SOX6: variants seen among roughly 807,000 people sequenced by gnomAD.
The protein encoded by SOX6 is transcription factor SOX-6.
A neutral mutation model predicts 97.8 loss-of-function variants in SOX6; 11 were observed. That is an observed-to-expected ratio of 0.11 (90% CI 0.07 to 0.19). The LOEUF (loss-of-function observed/expected upper bound fraction) is 0.19. SOX6 is among the 10% of genes least tolerant of loss of function. The probability of loss-of-function intolerance (pLI) is 1.00; values close to 1 mark genes in which losing one functional copy is unlikely to be tolerated. For synonymous variants in SOX6, 360 were observed against 371.4 expected, an observed-to-expected ratio of 0.97 and a Z score of 0.35; for missense variants, 810 against 1,039.5, an observed-to-expected ratio of 0.78 and a Z score of 3.04.
chr11:16,383,201 T>G (rs1282531856), intron 1 of SOX6, among the ~76,000 whole-genome samples: 1 of 151,952 alleles, frequency 6.6e-6, no homozygotes, highest in Admixed American at 6.6e-5. Context: ...GCATAAATAT[T>G]GAGTTCCTTA....
rs1426358458 is a variant in SOX6, at chr11:16,639,571, T to G, written n.430-27311A>C. Among the ~76,000 whole-genome samples the G allele has an allele frequency of 2.6e-5, 4 of 152,238 alleles. 1 individual carries two copies. ...AGCATGGAGTGTTCTTCCAGTTGTT[T>G]GTATCCTCTTTTATTTCGTTGAGCA... is the stretch of plus-strand genomic sequence containing the variant. On this transcript the variant is annotated intron_variant and non_coding_transcript_variant, in intron 3 of 5. Transcript: ENST00000524520.
At chr11:16,380,267 T>C (rs1484947333) in intron 1 of SOX6, among the ~76,000 whole-genome samples, 1 of 151,984 alleles carries the variant, frequency 6.6e-6, no homozygotes, top group Non-Finnish European at 1.5e-5. Flanking sequence ...TTTTTAAGAG[T>C]AGCTTGCAAA....
chr11:16,622,515 C>T (rs750407516), intron 3 of SOX6, among the ~76,000 whole-genome samples: 5 of 152,146 alleles, frequency 3.3e-5, no homozygotes, highest in Admixed American at 1.3e-4. Flanking sequence ...TGAGACCATA[C>T]GATGTTTGGT....
Position 16,049,897 on chromosome 11 carries a change from G to A in SOX6, c.1293C>T (p.Pro431=), listed in dbSNP as rs775636159. 1.9e-6 allele frequency: 3 copies of A among 1,613,592 alleles called. No homozygotes were observed. The highest frequency in any genetic ancestry group is 2.2e-5 in the South Asian group (2 of 91,074). ...AAQPLNLSSR[P]KTAEPVKSPT... is the part of the protein sequence containing the mutation. ...GGGACTTTACAGGCTCTGCTGTCTT[G>A]GGTCGGGATGAGAGATTCAGAGGCT... is the stretch of plus-strand genomic sequence containing the variant. The change falls in exon 11 of 16, where the codon CCC becomes CCT. Residue 431 remains proline, a synonymous_variant. Coordinates refer to ENST00000683767, the MANE Select transcript of SOX6 (RefSeq NM_001367873.1).
chr11:16,283,303 T>A, intron 3 of SOX6, among the ~76,000 whole-genome samples: 1 of 150,284 alleles, frequency 6.7e-6, no homozygotes. Flanking sequence ...TTTGACAACC[T>A]ACTTTTAAAA....
chr11:16,555,678 G>A (rs1191545314), intron 4 of SOX6, among the ~76,000 whole-genome samples: 1 of 151,552 alleles, frequency 6.6e-6, no homozygotes, highest in Non-Finnish European at 1.5e-5. Flanking sequence ...TACATATAAA[G>A]TCTTGGACAC....
Position 16,411,310 on chromosome 11 carries a change from C to A in SOX6, c.-5+65005G>T, listed in dbSNP as rs535880314. Among the ~76,000 whole-genome samples the A allele has an allele frequency of 2.6e-5, 4 of 152,140 alleles. No individual in the cohort carries two copies. In the East Asian group the frequency reaches 7.7e-4, roughly 29 times the overall value. On this transcript the variant is annotated intron_variant, in intron 1 of 15. Transcript: ENST00000396356. ...TGATTTTAAAATTGTTCTAATGAGG[C>A]CCTTACTCTCATAAACTAGTTAGCA...
At chr11:16,426,302 A>C (rs1437868828) in intron 1 of SOX6, among the ~76,000 whole-genome samples, 1 of 143,828 alleles carries the variant, frequency 7.0e-6, no homozygotes, top group Non-Finnish European at 1.5e-5. Context: ...AAAAACCACT[A>C]TTTTAAAATT....
intron 2 of SOX6, among the ~76,000 whole-genome samples, chr11:16,326,814 A>G (rs565553076): frequency 2.0e-5 from 3 of 152,322 alleles, no homozygotes; most frequent in African/African-American, 7.2e-5. Flanking sequence ...GGTTCTGTCT[A>G]AAGTCTCCCA....
chr11:16,090,442 C>A (rs1471953687), intron 9 of SOX6, among the ~76,000 whole-genome samples: 1 of 152,088 alleles, frequency 6.6e-6, no homozygotes, highest in African/African-American at 2.4e-5. Context: ...TCACTGACTA[C>A]AATGGCAAGC....
At chr11:16,096,851 T>C (rs77730363) in intron 8 of SOX6, among the ~76,000 whole-genome samples, 3,666 of 152,006 alleles carry the variant, frequency 0.024, 149 homozygotes, top group African/African-American at 0.083. Context: ...AAATACTGAA[T>C]GTTTGACTTA....
chr11:16,011,022 T>A (rs1483381887), intron 13 of SOX6, among the ~76,000 whole-genome samples: 1 of 152,088 alleles, frequency 6.6e-6, no homozygotes, highest in East Asian at 1.9e-4. Flanking sequence ...TTCTTGTTTT[T>A]AGTCATTTAG....
chr11:16,412,728 T>G (rs1590193683), intron 1 of SOX6, among the ~76,000 whole-genome samples: 1 of 152,328 alleles, frequency 6.6e-6, no homozygotes, highest in East Asian at 1.9e-4. Flanking sequence ...ATTAGGAAAT[T>G]GGTTTTTCTC....
chr11:16,081,503 C>T (rs1228490519), intron 9 of SOX6, among the ~76,000 whole-genome samples: 4 of 151,986 alleles, frequency 2.6e-5, no homozygotes, highest in Admixed American at 6.6e-5. Flanking sequence ...GCCATAACAC[C>T]CCTAGAAAAC....
intron 2 of SOX6, among the ~76,000 whole-genome samples, chr11:16,733,769 G>A (rs1226273135): frequency 6.8e-6 from 1 of 147,524 alleles, no homozygotes; most frequent in African/African-American, 2.5e-5. Context: ...GCTCACGTCT[G>A]TAATCCCAGC....
At chr11:16,198,182 T>C (rs1851837126) in intron 4 of SOX6, among the ~76,000 whole-genome samples, 1 of 151,088 alleles carries the variant, frequency 6.6e-6, no homozygotes, top group African/African-American at 2.4e-5. Flanking sequence ...GCCTCCCGAG[T>C]AGCTGGGATT....
At chr11:16,199,922 T>C (rs1448267416) in intron 4 of SOX6, among the ~76,000 whole-genome samples, 1 of 152,164 alleles carries the variant, frequency 6.6e-6, no homozygotes, top group African/African-American at 2.4e-5. Flanking sequence ...ACAGGAAAAA[T>C]TTCACAAGAA....
chr11:16,154,975 G>A (rs74519607), intron 6 of SOX6, among the ~76,000 whole-genome samples: 1,719 of 151,666 alleles, frequency 0.011, 28 homozygotes, highest in African/African-American at 0.037. Flanking sequence ...TAAGACTATC[G>A]CTCCTTCTTT....
In SOX6 at chr11:15,974,083, T is replaced by C. The variant is rs1041156231; in HGVS notation, c.2184-971A>G. Among the ~76,000 whole-genome samples, 5 of 152,344 alleles carry C rather than the reference T, an allele frequency of 3.3e-5. No individual in the cohort carries two copies. In the East Asian group the frequency reaches 7.7e-4, roughly 23 times the overall value. The stretch of plus-strand genomic sequence containing the variant: ...TATTCACCAAGAGTTTCTCAATCTT[T>C]AATGGATAGTAAATTATAGTTGAAT... On this transcript the variant is annotated intron_variant, in intron 15 of 15. Coordinates refer to ENST00000683767, the MANE Select transcript of SOX6 (RefSeq NM_001367873.1).
Sources: allele counts gnomAD v4.1 joint callset (sites outside exome capture counted in the v4.1 genomes callset), GRCh38; gene constraint gnomAD v4.1.1; transcripts MANE v1.5; gene names NCBI Gene and HGNC (gene_info 2026-07-23, HGNC 2026-07-21).